MACROD2: variants seen among roughly 807,000 people sequenced by gnomAD.
MACROD2 encodes mono-ADP ribosylhydrolase 2.
In MACROD2, 36 loss-of-function variants were observed where a neutral mutation model predicts 70.4. That is an observed-to-expected ratio of 0.51 (90% CI 0.39 to 0.68). The LOEUF (loss-of-function observed/expected upper bound fraction) is 0.68, where lower values mean the gene tolerates loss of function less well. Ranked by LOEUF, MACROD2 falls within the 30% of genes least tolerant of loss-of-function variation. The pLI is 0.00. For missense variants in MACROD2, 496 were observed against 538.4 expected, an observed-to-expected ratio of 0.92 and a Z score of 0.78; for synonymous variants, 172 against 178.8, an observed-to-expected ratio of 0.96 and a Z score of 0.30.
intron 8 of MACROD2, among the ~76,000 whole-genome samples, chr20:15,683,143 T>C (rs985524771): frequency 2.0e-5 from 3 of 152,210 alleles, no homozygotes; most frequent in Non-Finnish European, 4.4e-5. Flanking sequence ...TGTTAGAATA[T>C]TACGAATAAA....
chr20:14,874,534 T>A (rs2073527350), intron 5 of MACROD2, among the ~76,000 whole-genome samples: 1 of 151,736 alleles, frequency 6.6e-6, no homozygotes, highest in African/African-American at 2.4e-5. Context: ...TAAGCAAGCA[T>A]TGAGCAAGAT....
At chr20:14,683,402 G>A (rs1405114271) in intron 4 of MACROD2, among the ~76,000 whole-genome samples, 1 of 152,172 alleles carries the variant, frequency 6.6e-6, no homozygotes, top group Non-Finnish European at 1.5e-5. Flanking sequence ...AGTGCTTGGA[G>A]CATGCCATAT....
intron 8 of MACROD2, among the ~76,000 whole-genome samples, chr20:15,685,296 G>A (rs149141298): frequency 3.1e-4 from 47 of 152,280 alleles, no homozygotes; most frequent in East Asian, 1.7e-3. Flanking sequence ...GGAAGGTATC[G>A]TGATGGAGAT....
intron 6 of MACROD2, among the ~76,000 whole-genome samples, chr20:15,329,077 A>G (rs987188165): frequency 2.0e-5 from 3 of 152,212 alleles, no homozygotes; most frequent in Non-Finnish European, 2.9e-5. Context: ...GAAACAAAAC[A>G]TACAGAAAAA....
chr20:14,172,024 A>G (rs1178663147), intron 3 of MACROD2, among the ~76,000 whole-genome samples: 43 of 152,120 alleles, frequency 2.8e-4, no homozygotes, highest in Non-Finnish European at 1.5e-5. Flanking sequence ...CTGCCGTGTT[A>G]GGTGTATATA....
chr20:14,839,202 A>G (rs376711), intron 5 of MACROD2, among the ~76,000 whole-genome samples: 89,261 of 151,868 alleles, frequency 0.59, 27,227 homozygotes, highest in Non-Finnish European at 0.67. Flanking sequence ...GGCTAATGTC[A>G]GTAGCAATAA....
At chr20:15,630,701 G>A (rs1395276836) in intron 8 of MACROD2, among the ~76,000 whole-genome samples, 1 of 152,214 alleles carries the variant, frequency 6.6e-6, no homozygotes, top group Non-Finnish European at 1.5e-5. Flanking sequence ...GTAGATGCAT[G>A]CCCTTTGGCC....
Position 15,751,556 on chromosome 20 carries a change from C to A in MACROD2, c.646-111189C>A, listed in dbSNP as rs370165677. On this transcript the variant is annotated intron_variant, in intron 8 of 17. Coordinates refer to ENST00000684519, the MANE Select transcript of MACROD2 (RefSeq NM_001351661.2). ...AGCTATGTTTTCTTGTGGACAAAGA[C>A]AAGAGATGCTTCCCTTTTATCCTCT... is the stretch of plus-strand genomic sequence containing the variant. 2.3e-3 allele frequency among the ~76,000 whole-genome samples: 344 copies of A among 152,018 alleles called. 2 individuals carry two copies. The highest frequency in any genetic ancestry group is 6.2e-3 in the Admixed American group (95 of 15,234).
At chr20:16,037,678 A>C (rs1039198656) in intron 15 of MACROD2, among the ~76,000 whole-genome samples, 1 of 151,944 alleles carries the variant, frequency 6.6e-6, no homozygotes, top group Non-Finnish European at 1.5e-5. Context: ...TATTGAAAAA[A>C]TTAAATGACC....
intron 3 of MACROD2, among the ~76,000 whole-genome samples, chr20:14,210,432 G>C (rs759262113): frequency 2.0e-5 from 3 of 152,180 alleles, no homozygotes; most frequent in Non-Finnish European, 4.4e-5. Context: ...TACACTTCCT[G>C]CTGGGCAGCA....
intron 3 of MACROD2, among the ~76,000 whole-genome samples, chr20:14,481,745 C>T (rs574236247): frequency 1.3e-5 from 2 of 152,284 alleles, no homozygotes; most frequent in African/African-American, 2.4e-5. Flanking sequence ...TAGTTACTTA[C>T]CAGCCCATGA....
chr20:16,035,661 C>G (rs2067224875), intron 15 of MACROD2, among the ~76,000 whole-genome samples: 2 of 151,984 alleles, frequency 1.3e-5, no homozygotes, highest in Non-Finnish European at 2.9e-5. Flanking sequence ...GCTATCACCA[C>G]AGTAATGTAA....
At chr20:14,694,654 C>T (rs1268816359) in intron 5 of MACROD2, among the ~76,000 whole-genome samples, 1 of 152,104 alleles carries the variant, frequency 6.6e-6, no homozygotes, top group South Asian at 2.1e-4. Flanking sequence ...GTCCCATGAG[C>T]TTTGCCAATA....
chr20:14,278,552 TC>T (rs2082278070), intron 3 of MACROD2, among the ~76,000 whole-genome samples: 1 of 152,230 alleles, frequency 6.6e-6, no homozygotes, highest in South Asian at 2.1e-4. Context: ...TTTTTCTTCT[TC>T]CTTAAACTAA....
In MACROD2 at chr20:14,270,106, C is replaced by G. The variant is rs556786420; in HGVS notation, c.271+184378C>G. ...TATTGTCTGTTTTTTTAGAGAGGGG[C>G]ATGGAATAAAATTAAAAATATATAA... On this transcript the variant is annotated intron_variant, in intron 3 of 17. Coordinates refer to ENST00000684519, the MANE Select transcript of MACROD2 (RefSeq NM_001351661.2). Among the ~76,000 whole-genome samples the G allele has an allele frequency of 4.3e-4, 65 of 151,982 alleles. No homozygotes were observed. The South Asian group carries it at 0.013, about 30-fold the overall frequency.
intron 5 of MACROD2, among the ~76,000 whole-genome samples, chr20:14,965,799 G>C (rs928423936): frequency 6.6e-6 from 1 of 151,830 alleles, no homozygotes; most frequent in Non-Finnish European, 1.5e-5. Flanking sequence ...TCATCATAGA[G>C]GTGATAAATT....
chr20:15,400,151 A>G (rs1329779319), intron 6 of MACROD2, among the ~76,000 whole-genome samples: 3 of 152,254 alleles, frequency 2.0e-5, no homozygotes, highest in Non-Finnish European at 4.4e-5. Flanking sequence ...TTTGTCTCCT[A>G]CATTGAAACA....
intron 5 of MACROD2, among the ~76,000 whole-genome samples, chr20:14,818,178 A>G (rs761360611): frequency 5.3e-5 from 8 of 152,158 alleles, no homozygotes; most frequent in Non-Finnish European, 8.8e-5. Context: ...ATGGAGGCAG[A>G]CACCAGGGAA....
chr20:15,712,907 C>G (rs1221626000), intron 8 of MACROD2, among the ~76,000 whole-genome samples: 1 of 152,190 alleles, frequency 6.6e-6, no homozygotes, highest in Non-Finnish European at 1.5e-5. Flanking sequence ...GAATGACTTG[C>G]TTAAGATTCT....
Sources: gnomAD v4.1 joint callset for allele counts (sites outside exome capture counted in the v4.1 genomes callset) on GRCh38, gnomAD v4.1.1 for gene constraint, MANE v1.5 for transcripts, NCBI Gene and HGNC (gene_info 2026-07-23, HGNC 2026-07-21) for gene names.